Variants in GPC5 observed in about 807,000 individuals in gnomAD.
The protein encoded by GPC5 is glypican 5, also known as glypican-5.
A neutral mutation model predicts 53.9 loss-of-function variants in GPC5; 47 were observed. The ratio of observed to expected loss-of-function variants is 0.87; its 90% CI spans 0.69 to 1.11. The LOEUF (loss-of-function observed/expected upper bound fraction) is 1.11. GPC5 is among the 50% of genes most tolerant of loss of function. GPC5 has a pLI of 0.00. For missense variants in GPC5, 748 were observed against 713.1 expected, an observed-to-expected ratio of 1.05 and a Z score of -0.56; for synonymous variants, 286 against 263.3, an observed-to-expected ratio of 1.09 and a Z score of -0.84.
At chr13:92,362,311 T>C (rs1594133518) in intron 7 of GPC5, among the ~76,000 whole-genome samples, 2 of 151,744 alleles carry the variant, frequency 1.3e-5, no homozygotes, top group African/African-American at 4.9e-5. Context: ...ACAGTGGGTA[T>C]TGTTATTATA....
intron 6 of GPC5, among the ~76,000 whole-genome samples, chr13:92,111,339 T>G (rs548502411): frequency 6.6e-6 from 1 of 152,250 alleles, no homozygotes; most frequent in South Asian, 2.1e-4. Flanking sequence ...CCATGCCAAG[T>G]AGAATTTGGG....
At chr13:92,385,802 C>T (rs1271369851) in intron 7 of GPC5, among the ~76,000 whole-genome samples, 4 of 79,800 alleles carry the variant, frequency 5.0e-5, no homozygotes, top group African/African-American at 2.1e-4. Context: ...TACATATATA[C>T]GTATATATAT....
At chr13:91,423,153 G>T (rs540348876) in intron 1 of GPC5, among the ~76,000 whole-genome samples, 1 of 152,150 alleles carries the variant, frequency 6.6e-6, no homozygotes, top group African/African-American at 2.4e-5. Context: ...TGAAAGGTAG[G>T]CTAAATATAA....
chr13:91,579,374 G>A (rs557689284), intron 2 of GPC5, among the ~76,000 whole-genome samples: 7 of 152,168 alleles, frequency 4.6e-5, no homozygotes, highest in Non-Finnish European at 8.8e-5. Context: ...CTTTACCCAT[G>A]TGTGTAACTA....
At chr13:92,398,550 T>C (rs1875404799) in intron 7 of GPC5, among the ~76,000 whole-genome samples, 1 of 152,156 alleles carries the variant, frequency 6.6e-6, no homozygotes, top group Admixed American at 6.5e-5. Flanking sequence ...TTTCTTTAGA[T>C]GTTTAGAATA....
chr13:91,758,387 T>G lies in GPC5; in HGVS notation c.1280+1967T>G, dbSNP rs550242240. 3.9e-5 allele frequency among the ~76,000 whole-genome samples: 6 copies of G among 152,172 alleles called. No individual in the cohort carries two copies. The South Asian group carries it at 1.2e-3, about 32-fold the overall frequency. On this transcript the variant is annotated intron_variant, in intron 5 of 7. Coordinates refer to ENST00000377067, the MANE Select transcript of GPC5 (RefSeq NM_004466.6). The stretch of plus-strand genomic sequence containing the variant: ...ATTAATAAAAATTTATTATATCATA[T>G]AAATATGTTTAATATACTACATTAC...
At chr13:91,906,484 A>G (rs1351836586) in intron 5 of GPC5, among the ~76,000 whole-genome samples, 1 of 152,088 alleles carries the variant, frequency 6.6e-6, no homozygotes, top group Non-Finnish European at 1.5e-5. Flanking sequence ...ATATTACACT[A>G]TTCTGCCAGG....
intron 7 of GPC5, among the ~76,000 whole-genome samples, chr13:92,172,320 C>T (rs1412390295): frequency 6.6e-6 from 1 of 152,096 alleles, no homozygotes; most frequent in Non-Finnish European, 1.5e-5. Context: ...TAAATGAGAT[C>T]ATAGAAATCA....
chr13:91,832,962 T>G (rs2038680077), intron 5 of GPC5, among the ~76,000 whole-genome samples: 1 of 152,092 alleles, frequency 6.6e-6, no homozygotes, highest in South Asian at 2.1e-4. Context: ...GGACCTGGTT[T>G]TTTGAAAAGA....
intron 2 of GPC5, among the ~76,000 whole-genome samples, chr13:91,497,449 A>G (rs921219881): frequency 1.3e-5 from 2 of 152,206 alleles, no homozygotes; most frequent in Non-Finnish European, 2.9e-5. Context: ...TTCCCACAGA[A>G]GAGATGACAA....
At chr13:92,552,853 A>C (rs75011068) in intron 7 of GPC5, among the ~76,000 whole-genome samples, 4,112 of 151,988 alleles carry the variant, frequency 0.027, 194 homozygotes, top group African/African-American at 0.094. Context: ...GTTCTTGCTA[A>C]TTTGAAACTT....
chr13:92,719,004 T>A (rs1312956213), intron 7 of GPC5, among the ~76,000 whole-genome samples: 1 of 152,044 alleles, frequency 6.6e-6, no homozygotes, highest in African/African-American at 2.4e-5. Flanking sequence ...ATGTGATTAT[T>A]ATGCATTATA....
intron 2 of GPC5, among the ~76,000 whole-genome samples, chr13:91,586,220 TTC>T (rs1182848571): frequency 1.3e-5 from 2 of 151,142 alleles, no homozygotes; most frequent in African/African-American, 4.9e-5. Flanking sequence ...TATGTAAATG[TTC>T]TTAAGCTTCA....
chr13:92,185,378 A>G (rs547662293), intron 7 of GPC5, among the ~76,000 whole-genome samples: 10 of 152,320 alleles, frequency 6.6e-5, no homozygotes, highest in African/African-American at 2.4e-4. Flanking sequence ...AAATATTAAT[A>G]TGAATTCTCT....
intron 6 of GPC5, among the ~76,000 whole-genome samples, chr13:92,005,670 G>T (rs1261691723): frequency 1.3e-5 from 2 of 152,070 alleles, no homozygotes. Context: ...TAAGCTCCAA[G>T]AAAGCAAAAA....
At chr13:91,996,634 C>T (rs937698756) in intron 6 of GPC5, 3 of 152,136 alleles carry the variant, frequency 2.0e-5, no homozygotes, top group African/African-American at 7.2e-5. Context: ...TGAACTAGAA[C>T]ATGGCAAGGA....
chr13:92,314,241 C>G (rs190304418), intron 7 of GPC5, among the ~76,000 whole-genome samples: 1 of 152,114 alleles, frequency 6.6e-6, no homozygotes, highest in East Asian at 1.9e-4. Context: ...CTCTTAATCC[C>G]TTTTGTCACA....
chr13:92,026,733 A>C (rs2040803953), intron 6 of GPC5, among the ~76,000 whole-genome samples: 1 of 152,110 alleles, frequency 6.6e-6, no homozygotes, highest in Admixed American at 6.6e-5. Context: ...TTATTGGTGA[A>C]AACTGATATT....
chr13:91,940,207 A>G (rs1427657520), intron 6 of GPC5, among the ~76,000 whole-genome samples: 4 of 152,110 alleles, frequency 2.6e-5, no homozygotes, highest in South Asian at 2.1e-4. Context: ...TGTGAGTACC[A>G]ATGTTTAGCT....
Sources: gnomAD v4.1 joint callset for allele counts (sites outside exome capture counted in the v4.1 genomes callset) on GRCh38, gnomAD v4.1.1 for gene constraint, MANE v1.5 for transcripts, NCBI Gene and HGNC (gene_info 2026-07-23, HGNC 2026-07-21) for gene names.